Variants in ACBD6 observed in about 807,000 individuals in gnomAD.
ACBD6 encodes acyl-CoA-binding domain-containing protein 6.
Under a neutral mutation model 37.2 loss-of-function variants are expected in ACBD6, and 28 were observed. The observed-to-expected ratio is 0.75, with a 90% CI of 0.56 to 1.03. ACBD6 has a LOEUF of 1.03. Among genes scored for constraint, ACBD6 ranks in the 50% least tolerant of loss-of-function variants. ACBD6 has a pLI of 0.00. For missense variants in ACBD6, 340 were observed against 337.4 expected, an observed-to-expected ratio of 1.01 and a Z score of -0.06; for synonymous variants, 113 against 126.8, an observed-to-expected ratio of 0.89 and a Z score of 0.73.
intron 3 of ACBD6, among the ~76,000 whole-genome samples, chr1:180,478,139 C>A (rs1287592383): frequency 6.6e-6 from 1 of 151,884 alleles, no homozygotes; most frequent in Non-Finnish European, 1.5e-5. Context: ...AATCTATTAT[C>A]CCAAAAGTAC....
intron 6 of ACBD6, among the ~76,000 whole-genome samples, chr1:180,387,769 C>T (rs1653900709): frequency 6.6e-6 from 1 of 152,118 alleles, no homozygotes; most frequent in Non-Finnish European, 1.5e-5. Flanking sequence ...TTTAGATTGC[C>T]CCTTTTCCTG....
At chr1:180,431,506 T>A (rs1046329191) in intron 3 of ACBD6, among the ~76,000 whole-genome samples, 4 of 152,156 alleles carry the variant, frequency 2.6e-5, no homozygotes, top group African/African-American at 9.7e-5. Context: ...CTGGGATAGA[T>A]AATGTATTTC....
chr1:180,315,425 C>A (rs1302388828), intron 6 of ACBD6, among the ~76,000 whole-genome samples: 1 of 152,160 alleles, frequency 6.6e-6, no homozygotes, highest in Admixed American at 6.5e-5. Flanking sequence ...ACATGAGCAA[C>A]AAATAATCAA....
At chr1:180,344,827 A>T (rs1044805211) in intron 6 of ACBD6, among the ~76,000 whole-genome samples, 1 of 152,226 alleles carries the variant, frequency 6.6e-6, no homozygotes, top group Non-Finnish European at 1.5e-5. Context: ...GAATCAACAC[A>T]GATAATACAA....
Position 180,439,395 on chromosome 1 carries a change from T to C in ACBD6, c.385-9133A>G, listed in dbSNP as rs1649190200. ...GTCAGGAGATCGAGACCATCCTGGC[T>C]AACATGGTGAAACCCCGTCTCTACT... On this transcript the variant is annotated intron_variant, in intron 3 of 7. Transcript: ENST00000367595. 1.3e-5 allele frequency among the ~76,000 whole-genome samples: 2 copies of C among 152,006 alleles called. 1 individual carries two copies. The highest frequency in any genetic ancestry group is 4.1e-4 in the South Asian group (2 of 4,832).
intron 6 of ACBD6, among the ~76,000 whole-genome samples, chr1:180,355,268 T>C (rs545635817): frequency 1.3e-5 from 2 of 152,294 alleles, no homozygotes; most frequent in Admixed American, 1.3e-4. Flanking sequence ...ACTTAGAAGG[T>C]CTCTGGCTCC....
In ACBD6 at chr1:180,272,031, C is replaced by T. The variant is rs142887016; in HGVS notation, c.*1254-60G>A. 4.5e-3 allele frequency: 7,267 copies of T among 1,600,612 alleles called. 20 individuals are homozygous for T. The highest frequency in any genetic ancestry group is 0.024 in the Middle Eastern group (121 of 5,006). On this transcript the variant is annotated intron_variant, in intron 13 of 13. Transcript: ENST00000642319. ...GGTGAGCAGGGCTGGAGGGGCCAGG[C>T]CGAGGCCTTAGGAAAGTCCCCTGGG... is the stretch of plus-strand genomic sequence containing the variant.
chr1:180,485,469 G>A (rs998731917), intron 3 of ACBD6, among the ~76,000 whole-genome samples: 3 of 152,142 alleles, frequency 2.0e-5, no homozygotes, highest in African/African-American at 4.8e-5. Context: ...AAAAGGAGAG[G>A]GAGATTTGGA....
intron 3 of ACBD6, among the ~76,000 whole-genome samples, chr1:180,461,524 G>A (rs1650147374): frequency 6.6e-6 from 1 of 152,146 alleles, no homozygotes. Flanking sequence ...AGAAAGGCCA[G>A]GTAGTCTACA....
chr1:180,449,251 C>T (rs748118227), intron 3 of ACBD6, among the ~76,000 whole-genome samples: 3 of 152,048 alleles, frequency 2.0e-5, no homozygotes, highest in South Asian at 2.1e-4. Context: ...TAATAGTTTC[C>T]GAAATTGTGA....
At chr1:180,316,584 T>G (rs1650822715) in intron 6 of ACBD6, among the ~76,000 whole-genome samples, 1 of 152,210 alleles carries the variant, frequency 6.6e-6, no homozygotes, top group Non-Finnish European at 1.5e-5. Context: ...CATATATACT[T>G]AAAGTTCATT....
chr1:180,498,002 C>T (rs1283177867), intron 1 of ACBD6, among the ~76,000 whole-genome samples: 3 of 152,168 alleles, frequency 2.0e-5, no homozygotes, highest in African/African-American at 4.8e-5. Flanking sequence ...CACTGAAATC[C>T]ATTGGTCTGA....
At chr1:180,273,842 T>A in intron 11 of ACBD6, 1 of 322,876 alleles carries the variant, frequency 3.1e-6, no homozygotes, top group South Asian at 3.4e-5. Flanking sequence ...CCATTTGTGA[T>A]GTGGAGACAT....
intron 6 of ACBD6, among the ~76,000 whole-genome samples, chr1:180,346,425 G>A (rs1219062644): frequency 6.6e-6 from 1 of 152,194 alleles, no homozygotes; most frequent in Non-Finnish European, 1.5e-5. Context: ...CTTGCCTTGA[G>A]TGACGGTGGC....
At chr1:180,424,896 A>T (rs1648521159) in intron 4 of ACBD6, among the ~76,000 whole-genome samples, 2 of 152,176 alleles carry the variant, frequency 1.3e-5, no homozygotes, top group African/African-American at 4.8e-5. Flanking sequence ...GAGGTAAATG[A>T]AGCACGCTAG....
At chr1:180,389,616 C>A (rs1428669380) in intron 6 of ACBD6, among the ~76,000 whole-genome samples, 1 of 152,208 alleles carries the variant, frequency 6.6e-6, no homozygotes, top group Non-Finnish European at 1.5e-5. Flanking sequence ...AAAGTCCCAC[C>A]AACAGTGTAA....
chr1:180,375,071 A>G (rs1653385113), intron 6 of ACBD6, among the ~76,000 whole-genome samples: 1 of 152,160 alleles, frequency 6.6e-6, no homozygotes, highest in African/African-American at 2.4e-5. Context: ...AAAAATACCA[A>G]TAAGCTATTT....
At chr1:180,383,854 A>G (rs1234567638) in intron 6 of ACBD6, among the ~76,000 whole-genome samples, 1 of 152,196 alleles carries the variant, frequency 6.6e-6, no homozygotes, top group Non-Finnish European at 1.5e-5. Context: ...TAGGGAATCC[A>G]GAAGTAAATC....
chr1:180,473,922 T>C (rs1026464320), intron 3 of ACBD6, among the ~76,000 whole-genome samples: 1 of 152,192 alleles, frequency 6.6e-6, no homozygotes, highest in Non-Finnish European at 1.5e-5. Context: ...CTTTTACTTG[T>C]ACTAAAAAGT....
Sources: gnomAD v4.1 joint callset for allele counts (sites outside exome capture counted in the v4.1 genomes callset) on GRCh38, gnomAD v4.1.1 for gene constraint, MANE v1.5 for transcripts, NCBI Gene and HGNC (gene_info 2026-07-23, HGNC 2026-07-21) for gene names.